GRIA2: variants seen among roughly 807,000 people sequenced by gnomAD.
GRIA2 encodes glutamate ionotropic receptor AMPA type subunit 2.
In GRIA2, 14 loss-of-function variants were observed where a neutral mutation model predicts 97.3. The ratio of observed to expected loss-of-function variants is 0.14; its 90% CI spans 0.10 to 0.23. GRIA2 has a LOEUF of 0.23. GRIA2 is among the 10% of genes least tolerant of loss of function. The pLI is 1.00. For missense variants in GRIA2, 558 were observed against 1,069.8 expected (o/e 0.52, Z 6.67); for synonymous variants, 412 against 387.8 (o/e 1.06, Z -0.73).
intron 2 of GRIA2, among the ~76,000 whole-genome samples, chr4:157,286,091 T>G (rs1732834324): frequency 6.6e-6 from 1 of 151,532 alleles, no homozygotes. Flanking sequence ...TTGTAAAAAT[T>G]ATTTTCAAGG....
At chr4:157,283,094 T>C (rs1732681688) in intron 2 of GRIA2, among the ~76,000 whole-genome samples, 1 of 152,080 alleles carries the variant, frequency 6.6e-6, no homozygotes, top group Non-Finnish European at 1.5e-5. Context: ...TATAAATGCT[T>C]TTCTAAACTT....
Position 157,220,815 on chromosome 4 carries a change from G to T in GRIA2, c.-228G>T, listed in dbSNP as rs1729456562. ...CTCCGCTGAAAACTGCATTCAGCCA[G>T]TCCTCCGGACTTCTGGAGCGGGGAC... On this transcript the variant is annotated 5_prime_UTR_variant, in exon 1 of 16. Transcript: ENST00000264426. The T allele has an allele frequency of 1.4e-5, 8 of 563,592 alleles. No homozygotes were observed. 34.9% of individuals were successfully genotyped at this position (563,592 alleles called of 1,614,324 possible). A position where few individuals can be genotyped will look rare whatever the true frequency, so the allele number is the denominator to read the frequency against.
At chr4:157,359,856 C>A in intron 12 of GRIA2, 40 bp from the exon 13 acceptor site, 1 of 1,576,914 alleles carries the variant, frequency 6.3e-7, no homozygotes, top group Non-Finnish European at 8.7e-7. Context: ...TTTTTTAGGG[C>A]CATCTCTTAA....
At chr4:157,234,473 C>A (rs578074261) in intron 2 of GRIA2, among the ~76,000 whole-genome samples, 36 of 152,154 alleles carry the variant, frequency 2.4e-4, no homozygotes, top group African/African-American at 8.4e-4. Context: ...ACCCTCCCCC[C>A]ACCAAATTCA....
chr4:157,235,314 A>G (rs531073437), intron 2 of GRIA2, among the ~76,000 whole-genome samples: 1 of 152,236 alleles, frequency 6.6e-6, no homozygotes, highest in East Asian at 1.9e-4. Flanking sequence ...GAGGTGACAA[A>G]GAACAAGATA....
intron 2 of GRIA2, among the ~76,000 whole-genome samples, chr4:157,247,487 G>A (rs1730783369): frequency 6.6e-6 from 1 of 152,122 alleles, no homozygotes. Context: ...GTCAATGAAG[G>A]ATGTGAGATA....
intron 12 of GRIA2, among the ~76,000 whole-genome samples, chr4:157,355,721 T>A (rs1383573147): frequency 8.9e-6 from 1 of 112,882 alleles, no homozygotes; most frequent in East Asian, 2.3e-4. Flanking sequence ...TATTTATTTA[T>A]ATATTTATTT....
At chr4:157,303,943 C>T (rs1733728399) in intron 3 of GRIA2, 152 bp downstream of exon 3, 2 of 724,850 alleles carry the variant, frequency 2.8e-6, no homozygotes, top group South Asian at 3.6e-5. Flanking sequence ...CAATTTAAAA[C>T]CTGGGAAACA....
intron 2 of GRIA2, among the ~76,000 whole-genome samples, chr4:157,227,555 G>C (rs1317105072): frequency 6.6e-6 from 1 of 152,160 alleles, no homozygotes; most frequent in Non-Finnish European, 1.5e-5. Flanking sequence ...AATTGAGATA[G>C]AGAACTGTCC....
chr4:157,269,151 A>C (rs1403893172), intron 2 of GRIA2, among the ~76,000 whole-genome samples: 3 of 152,038 alleles, frequency 2.0e-5, no homozygotes, highest in South Asian at 4.1e-4. Context: ...CCTTTAATTA[A>C]TAACTCTCAT....
intron 1 of GRIA2, 46 bp downstream of exon 1, chr4:157,221,176 G>A (rs1729475904): frequency 1.1e-6 from 1 of 951,884 alleles, no homozygotes; most frequent in Non-Finnish European, 1.7e-6. Context: ...ATAATTTGGT[G>A]GTAATCTTTG....
chr4:157,347,857 G>A lies in GRIA2; in HGVS notation c.2043+6395G>A, dbSNP rs187095711. On this transcript the variant is annotated intron_variant, in intron 12 of 15. Coordinates refer to ENST00000264426, the MANE Select transcript of GRIA2 (RefSeq NM_001083619.3). ...TTTGATATTTGAAGGAAAATTTGAT[G>A]GCTCATGCCTGTAATCCCAACACTT... 1.2e-3 allele frequency among the ~76,000 whole-genome samples: 179 copies of A among 152,266 alleles called. 2 individuals carry two copies. The highest frequency in any genetic ancestry group is 1.0e-3 in the Non-Finnish European group (71 of 68,016).
rs113655207 is a variant in GRIA2 at position 157,246,240 on chromosome 4, T to C, written c.229+24433T>C. On this transcript the variant is annotated intron_variant, in intron 2 of 15. Coordinates refer to ENST00000264426, the MANE Select transcript of GRIA2 (RefSeq NM_001083619.3). ...TTCTAACTCTGCTACTTATTGTTGC[T>C]ATCTGATATTGGACAGGCTAGTTAA... Among the ~76,000 whole-genome samples, 125 of 152,258 alleles carry C rather than the reference T, an allele frequency of 8.2e-4. 1 individual carries two copies. Among genetic ancestry groups the C allele is most frequent in the African/African-American group, 3.0e-3 (124 of 41,574 alleles).
intron 2 of GRIA2, among the ~76,000 whole-genome samples, chr4:157,254,292 G>A (rs891878977): frequency 6.6e-6 from 1 of 151,908 alleles, no homozygotes; most frequent in South Asian, 2.1e-4. Flanking sequence ...TAAAGTCTAG[G>A]CCTAAACAGA....
chr4:157,244,788 G>A (rs1164326125), intron 2 of GRIA2, among the ~76,000 whole-genome samples: 1 of 151,888 alleles, frequency 6.6e-6, no homozygotes, highest in African/African-American at 2.4e-5. Context: ...AAAAAATCAT[G>A]TACTGTCTGG....
Position 157,361,648 on chromosome 4 carries a change from G to A in GRIA2, c.2406+524G>A. On this transcript the variant is annotated intron_variant, in intron 14 of 15. Coordinates refer to ENST00000264426, the MANE Select transcript of GRIA2 (RefSeq NM_001083619.3). The surrounding 1 kb of genome is among the most constrained non-coding windows in gnomAD (Gnocchi z 5.2). ...GAATGTGGAGCCAAGGACTCTGGAAGTAAGGTCAGTTGCTGCAGGTTTTAT... is the reference window on the plus strand; with the variant it reads ...GAATGTGGAGCCAAGGACTCTGGAAATAAGGTCAGTTGCTGCAGGTTTTAT... 1 of 1,600,546 alleles carries A rather than the reference G, an allele frequency of 6.2e-7. No individual in the cohort carries two copies. The highest frequency in any genetic ancestry group is 8.6e-7 in the Non-Finnish European group (1 of 1,167,984).
chr4:157,289,539 A>G (rs1305437679), intron 2 of GRIA2, among the ~76,000 whole-genome samples: 1 of 151,906 alleles, frequency 6.6e-6, no homozygotes, highest in African/African-American at 2.4e-5. Flanking sequence ...CAAGATTCTT[A>G]AGAAGTCCTG....
At chr4:157,282,224 C>G (rs1383836099) in intron 2 of GRIA2, among the ~76,000 whole-genome samples, 3 of 152,080 alleles carry the variant, frequency 2.0e-5, no homozygotes, top group Non-Finnish European at 4.4e-5. Context: ...ATGGTTAGAA[C>G]AGCCAATCAC....
chr4:157,268,030 T>A (rs771287839), intron 2 of GRIA2, among the ~76,000 whole-genome samples: 8 of 152,204 alleles, frequency 5.3e-5, no homozygotes, highest in Non-Finnish European at 8.8e-5. Flanking sequence ...AAGAGAGATT[T>A]AGGGCAATCA....
Sources: allele counts gnomAD v4.1 joint callset (sites outside exome capture counted in the v4.1 genomes callset), GRCh38; gene constraint gnomAD v4.1.1; non-coding constraint Gnocchi (gnomAD v3.1); transcripts MANE v1.5; gene names NCBI Gene and HGNC (gene_info 2026-07-23, HGNC 2026-07-21).